ASDURF: variants seen among roughly 807,000 people sequenced by gnomAD.
ASDURF encodes ASNSD1 upstream open reading frame.
In ASDURF, 3 loss-of-function variants were observed where a neutral mutation model predicts 3.3. The ratio of observed to expected loss-of-function variants is 0.92; its 90% CI spans 0.42 to 2.37. ASDURF has a LOEUF of 2.37. ASDURF is among the 30% of genes most tolerant of loss of function. The pLI, the probability that ASDURF is intolerant of heterozygous loss-of-function variation, is 0.05. For missense variants in ASDURF, 23 were observed against 25.4 expected, an observed-to-expected ratio of 0.90 and a Z score of 0.21; for synonymous variants, 11 against 8.3, an observed-to-expected ratio of 1.32 and a Z score of -0.55.
At chr2:189,662,647 C>G (rs2032693928) in intron 1 of ASDURF, among the ~76,000 whole-genome samples, 1 of 152,104 alleles carries the variant, frequency 6.6e-6, no homozygotes, top group African/African-American at 2.4e-5. Context: ...GTTACAGATC[C>G]CTGAGGTGTG....
At chr2:189,665,612 A>ATATATATG (rs2032777102) in intron 3 of ASDURF, among the ~76,000 whole-genome samples, 161 bp downstream of exon 3, 1 of 32,824 alleles carries the variant, frequency 3.0e-5, no homozygotes, top group African/African-American at 7.3e-5. Context: ...ATATATATAT[A>ATATATATG]TATATATATA....
chr2:189,661,908 C>T (rs1361431281), intron 1 of ASDURF, among the ~76,000 whole-genome samples: 1 of 152,272 alleles, frequency 6.6e-6, no homozygotes, highest in East Asian at 1.9e-4. Context: ...ATACCGCCCA[C>T]CCCAAATCTG....
At chr2:189,665,919 G>C (rs1307496247) in intron 3 of ASDURF, 122 bp from the exon 4 acceptor site, 3 of 472,288 alleles carry the variant, frequency 6.4e-6, no homozygotes, top group Non-Finnish European at 1.1e-5. Flanking sequence ...ATTGGTACTG[G>C]CACAGTGTGT....
rs373323365 is a variant in ASDURF at position 189,661,497 on chromosome 2, C to T, written c.-24C>T. The stretch of plus-strand genomic sequence containing the variant: ...TAGGCTCCTTCAGGGCTGAGCCATC[C>T]CGCGTGTCTTGCGCTCGGTGGAAAT... On this transcript the variant is annotated 5_prime_UTR_variant, in exon 1 of 4. Coordinates refer to ENST00000607829, the MANE Select transcript of ASDURF (RefSeq NM_001353493.2). 4 of 399,164 alleles carry T rather than the reference C, an allele frequency of 1.0e-5. No homozygotes were observed. Among genetic ancestry groups the T allele is most frequent in the Non-Finnish European group, 1.8e-5 (4 of 226,272 alleles). 24.7% of individuals were successfully genotyped at this position (399,164 alleles called of 1,614,324 possible). A position where few individuals can be genotyped will look rare whatever the true frequency, so the allele number is the denominator to read the frequency against.
chr2:189,664,000 A>G (rs2032731371), intron 2 of ASDURF, 46 bp downstream of exon 2: 1 of 377,792 alleles, frequency 2.6e-6, no homozygotes, highest in South Asian at 1.3e-4. Context: ...AGGTTTATTT[A>G]TGTTAACTAT....
chr2:189,665,606 A>ATATATATATATATG (rs1559034406), intron 3 of ASDURF, among the ~76,000 whole-genome samples, 155 bp downstream of exon 3: 4 of 9,064 alleles, frequency 4.4e-4, no homozygotes, highest in African/African-American at 8.2e-4. Flanking sequence ...GTGTATATAT[A>ATATATATATATATG]TATATATATA....
chr2:189,662,903 C>G (rs1324274578), intron 1 of ASDURF, among the ~76,000 whole-genome samples: 2 of 145,132 alleles, frequency 1.4e-5, no homozygotes, highest in Admixed American at 7.1e-5. Flanking sequence ...GAGCCGTGAT[C>G]GCACCACTGC....
intron 1 of ASDURF, among the ~76,000 whole-genome samples, chr2:189,662,604 A>G (rs551711941): frequency 6.6e-6 from 1 of 152,298 alleles, no homozygotes; most frequent in Admixed American, 6.5e-5. Flanking sequence ...CATTCTGATT[A>G]CCACCATAGC....
At chr2:189,665,564 T>G in intron 3 of ASDURF, 113 bp downstream of exon 3, 2 of 286,404 alleles carry the variant, frequency 7.0e-6, no homozygotes, top group East Asian at 1.0e-4. Context: ...CAAATTAGGC[T>G]TCCGAAGATG....
Position 189,666,165 on chromosome 2 carries a change from T to G in ASDURF, c.*54T>G. 1 of 1,593,648 alleles carries G rather than the reference T, an allele frequency of 6.3e-7. No homozygotes were observed. The highest frequency in any genetic ancestry group is 1.1e-5 in the South Asian group (1 of 86,988). On this transcript the variant is annotated 3_prime_UTR_variant, in exon 4 of 4. Transcript: ENST00000607829. ...GCATTTGTTGTTCTGTAAACTTTTC[T>G]GCTGAGCATTTCAGTCAAGATTTAA...
intron 1 of ASDURF, among the ~76,000 whole-genome samples, chr2:189,662,187 G>T (rs2105680769): frequency 6.6e-6 from 1 of 152,310 alleles, no homozygotes; most frequent in South Asian, 2.1e-4. Context: ...CCTAAAACAC[G>T]CATTGGGTTG....
chr2:189,665,640 A>ATGTG (rs2032783830), intron 3 of ASDURF, among the ~76,000 whole-genome samples, 189 bp downstream of exon 3: 3 of 119,430 alleles, frequency 2.5e-5, no homozygotes, highest in Admixed American at 1.8e-4. Context: ...ATATATATAT[A>ATGTG]TATATATTAT....
At chr2:189,663,495 C>T (rs539348581) in intron 1 of ASDURF, among the ~76,000 whole-genome samples, 5 of 152,142 alleles carry the variant, frequency 3.3e-5, no homozygotes, top group African/African-American at 7.2e-5. Context: ...TCAGGTGATC[C>T]GCCCGCCTTG....
chr2:189,665,604 A>ATATATATATATATATATATG (rs2032774389), intron 3 of ASDURF, among the ~76,000 whole-genome samples, 153 bp downstream of exon 3: 1 of 8,234 alleles, frequency 1.2e-4, no homozygotes, highest in African/African-American at 3.1e-4. Flanking sequence ...ATGTGTATAT[A>ATATATATATATATATATATG]TATATATATA....
intron 1 of ASDURF, among the ~76,000 whole-genome samples, chr2:189,663,637 G>A (rs990539901): frequency 3.9e-5 from 6 of 152,154 alleles, no homozygotes; most frequent in East Asian, 1.9e-4. Context: ...TTATGAACAC[G>A]AAAATCCCTG....
intron 1 of ASDURF, among the ~76,000 whole-genome samples, chr2:189,663,667 C>T (rs2032724386): frequency 6.6e-6 from 1 of 152,168 alleles, no homozygotes; most frequent in Admixed American, 6.6e-5. Flanking sequence ...AATGGGTTAC[C>T]TAACATTTTG....
At chr2:189,662,411 T>G (rs182095329) in intron 1 of ASDURF, among the ~76,000 whole-genome samples, 35 of 152,302 alleles carry the variant, frequency 2.3e-4, no homozygotes, top group African/African-American at 8.4e-4. Flanking sequence ...TTCTTTGAAG[T>G]AAAGTGAAAT....
intron 1 of ASDURF, among the ~76,000 whole-genome samples, 160 bp downstream of exon 1, chr2:189,661,770 C>T (rs1012999229): frequency 1.3e-5 from 2 of 152,214 alleles, no homozygotes; most frequent in African/African-American, 4.8e-5. Flanking sequence ...CACAGTTAGT[C>T]CTTTTATTTT....
intron 1 of ASDURF, among the ~76,000 whole-genome samples, chr2:189,663,398 C>T (rs2032715836): frequency 6.6e-6 from 1 of 152,016 alleles, no homozygotes; most frequent in African/African-American, 2.4e-5. Flanking sequence ...GGATTACAGG[C>T]ATGTGCCACT....
Sources: allele counts gnomAD v4.1 joint callset (sites outside exome capture counted in the v4.1 genomes callset), GRCh38; gene constraint gnomAD v4.1.1; transcripts MANE v1.5; gene names NCBI Gene and HGNC (gene_info 2026-07-23, HGNC 2026-07-21).